Variants in MGAT4C observed in about 807,000 individuals in gnomAD.
MGAT4C encodes the protein MGAT4 family member C.
In MGAT4C, 19 loss-of-function variants were observed where a neutral mutation model predicts 40.1. That is an observed-to-expected ratio of 0.47 (90% CI 0.33 to 0.70). MGAT4C has a LOEUF of 0.70. Among genes scored for constraint, MGAT4C ranks in the 30% least tolerant of loss-of-function variants. MGAT4C has a pLI of 0.02. For synonymous variants in MGAT4C, 181 were observed against 187.1 expected, an observed-to-expected ratio of 0.97 and a Z score of 0.27; for missense variants, 491 against 563.2, an observed-to-expected ratio of 0.87 and a Z score of 1.30.
At chr12:86,469,715 G>T (rs1172173972) in intron 2 of MGAT4C, among the ~76,000 whole-genome samples, 2 of 152,096 alleles carry the variant, frequency 1.3e-5, no homozygotes, top group Non-Finnish European at 1.5e-5. Flanking sequence ...CCTTGTAAGA[G>T]CCCAGGTACC....
chr12:86,649,208 T>G (rs1963629170), intron 2 of MGAT4C, among the ~76,000 whole-genome samples: 1 of 151,786 alleles, frequency 6.6e-6, no homozygotes, highest in South Asian at 2.1e-4. Flanking sequence ...TTCAGACCAC[T>G]CTGAATGCCC....
At chr12:86,470,483 A>C (rs1347658583) in intron 2 of MGAT4C, among the ~76,000 whole-genome samples, 2 of 152,148 alleles carry the variant, frequency 1.3e-5, no homozygotes, top group Non-Finnish European at 2.9e-5. Context: ...ATGTGAGCCT[A>C]TCATTCAACC....
intron 3 of MGAT4C, among the ~76,000 whole-genome samples, chr12:86,418,319 G>A (rs1348319275): frequency 6.6e-6 from 1 of 152,056 alleles, no homozygotes; most frequent in Non-Finnish European, 1.5e-5. Context: ...AGAGGTAATA[G>A]GGGCTGGGCA....
intron 3 of MGAT4C, among the ~76,000 whole-genome samples, chr12:86,344,352 T>C (rs1954969752): frequency 6.6e-6 from 1 of 152,228 alleles, no homozygotes; most frequent in Admixed American, 6.5e-5. Flanking sequence ...TTGCTTTTAA[T>C]TGATTAGGTA....
chr12:86,177,150 C>G (rs1241669247), intron 1 of MGAT4C, among the ~76,000 whole-genome samples: 1 of 151,888 alleles, frequency 6.6e-6, no homozygotes, highest in Admixed American at 6.6e-5. Flanking sequence ...CTAAGTGTAG[C>G]TCTTAGCAGA....
In MGAT4C at chr12:85,955,797, C is replaced by A. The variant is rs570678734; in HGVS notation, c.*23492G>T. On this transcript the variant is annotated 3_prime_UTR_variant, in exon 5 of 5. Coordinates refer to ENST00000611864, the MANE Select transcript of MGAT4C (RefSeq NM_001351288.2). ...AAAGCCATCAAGCATACTGGTTCAC[C>A]ATGTTGCAGACTTTAAAAAAATACA... The A allele has an allele frequency of 6.6e-6, 1 of 152,152 alleles. No homozygotes were observed. Among genetic ancestry groups the A allele is most frequent in the Admixed American group, 6.5e-5 (1 of 15,292 alleles). 9.4% of individuals were successfully genotyped at this position (152,152 alleles called of 1,614,324 possible). A position where few individuals can be genotyped will look rare whatever the true frequency, so the allele number is the denominator to read the frequency against.
chr12:86,514,105 CACACAA>C (rs1958642486), intron 2 of MGAT4C, among the ~76,000 whole-genome samples: 2 of 149,404 alleles, frequency 1.3e-5, no homozygotes, highest in Non-Finnish European at 3.0e-5. Context: ...CACACACACA[CACACAA>C]CCCCGGCTTA....
chr12:86,569,084 A>G (rs1397662863), intron 2 of MGAT4C, among the ~76,000 whole-genome samples: 1 of 152,068 alleles, frequency 6.6e-6, no homozygotes, highest in Admixed American at 6.6e-5. Flanking sequence ...TTTGTGAATT[A>G]GAAGAATATA....
chr12:86,089,130 G>C (rs1244660143), intron 1 of MGAT4C, among the ~76,000 whole-genome samples: 4 of 151,618 alleles, frequency 2.6e-5, no homozygotes, highest in Non-Finnish European at 5.9e-5. Flanking sequence ...AATTATAAAT[G>C]GTATATTTTA....
chr12:86,354,047 A>C (rs1192698088), intron 3 of MGAT4C, among the ~76,000 whole-genome samples: 2 of 152,206 alleles, frequency 1.3e-5, no homozygotes, highest in Non-Finnish European at 2.9e-5. Flanking sequence ...AACACATGAA[A>C]AGTTCGAAAA....
chr12:86,736,379 C>T (rs778949368), intron 1 of MGAT4C, among the ~76,000 whole-genome samples: 5 of 151,804 alleles, frequency 3.3e-5, no homozygotes, highest in Admixed American at 2.6e-4. Context: ...CTTTATGTCT[C>T]CTTCCTCACC....
chr12:86,219,063 C>T (rs533954001), intron 1 of MGAT4C, among the ~76,000 whole-genome samples: 2 of 152,054 alleles, frequency 1.3e-5, no homozygotes, highest in Admixed American at 1.3e-4. Flanking sequence ...ACCTGTAGTC[C>T]CAGCTACTCC....
chr12:86,693,982 AC>A (rs1184014360), intron 2 of MGAT4C, among the ~76,000 whole-genome samples: 1 of 152,156 alleles, frequency 6.6e-6, no homozygotes. Context: ...TAAAACTTGA[AC>A]TTTAAAAATA....
At chr12:86,436,458 T>A (rs1206158260) in intron 2 of MGAT4C, among the ~76,000 whole-genome samples, 1 of 151,766 alleles carries the variant, frequency 6.6e-6, no homozygotes, top group African/African-American at 2.4e-5. Flanking sequence ...ACTGTTTTTT[T>A]AATAGTTTGT....
At chr12:86,623,099 AT>A (rs1191180149) in intron 2 of MGAT4C, among the ~76,000 whole-genome samples, 4 of 152,272 alleles carry the variant, frequency 2.6e-5, no homozygotes, top group Admixed American at 2.6e-4. Context: ...AGTGAACTCC[AT>A]GGAACAGCTT....
chr12:86,600,303 C>G (rs1163749338), intron 2 of MGAT4C, among the ~76,000 whole-genome samples: 1 of 152,094 alleles, frequency 6.6e-6, no homozygotes, highest in East Asian at 1.9e-4. Flanking sequence ...AAGAAAGGCC[C>G]AGGTTGAGCC....
chr12:86,042,532 G>C (rs1891960349), intron 2 of MGAT4C, among the ~76,000 whole-genome samples: 1 of 152,080 alleles, frequency 6.6e-6, no homozygotes, highest in African/African-American at 2.4e-5. Flanking sequence ...GCATTTGCTT[G>C]TCTGAAAAGA....
intron 4 of MGAT4C, among the ~76,000 whole-genome samples, chr12:86,310,854 G>A (rs541324238): frequency 6.6e-6 from 1 of 152,234 alleles, no homozygotes; most frequent in South Asian, 2.1e-4. Flanking sequence ...AACCAGGGAG[G>A]TGGAGGTTGC....
rs1232515109 is a variant in MGAT4C at position 85,970,760 on chromosome 12, GTTT to G, written c.*8526_*8528del. 6.6e-6 allele frequency: 1 copy of G among 151,146 alleles called. No individual in the cohort carries two copies. Among genetic ancestry groups the G allele is most frequent in the African/African-American group, 2.4e-5 (1 of 41,342 alleles). The allele number at this position is 151,146 out of a possible 1,614,324, so 9.4% of individuals were successfully genotyped here. On this transcript the variant is annotated 3_prime_UTR_variant, in exon 5 of 5. Coordinates refer to ENST00000611864, the MANE Select transcript of MGAT4C (RefSeq NM_001351288.2). ...TTAAATAATTTAAATAAAAATAATTGTTTTTATTAAAGTTTATACAGCAAGATA... is the reference window on the plus strand; with the variant it reads ...TTAAATAATTTAAATAAAAATAATTGTTATTAAAGTTTATACAGCAAGATA...
Sources: allele counts gnomAD v4.1 joint callset (sites outside exome capture counted in the v4.1 genomes callset), GRCh38; gene constraint gnomAD v4.1.1; transcripts MANE v1.5; gene names NCBI Gene and HGNC (gene_info 2026-07-23, HGNC 2026-07-21).